RTKN: variants seen among roughly 807,000 people sequenced by gnomAD.
RTKN encodes the protein rhotekin.
RTKN carries 49 observed loss-of-function variants against 63.5 expected under a neutral mutation model. That is an observed-to-expected ratio of 0.77 (90% CI 0.61 to 0.98). The LOEUF (loss-of-function observed/expected upper bound fraction) is 0.98. RTKN is among the 50% of genes least tolerant of loss of function. The pLI, the probability that RTKN is intolerant of heterozygous loss-of-function variation, is 0.00. For synonymous variants in RTKN, 295 were observed against 290.4 expected (o/e 1.02, Z -0.16); for missense variants, 685 against 740.8 (o/e 0.92, Z 0.87).
At chr2:74,441,578 G>A (rs1671366952) in intron 1 of RTKN, 128 bp downstream of exon 1, 3 of 649,198 alleles carry the variant, frequency 4.6e-6, no homozygotes, top group Non-Finnish European at 8.1e-6. Context: ...CAACAACTCC[G>A]TCGGGTTTGT....
At chr2:74,429,720 C>T (rs1160601903) in intron 6 of RTKN, 108 bp downstream of exon 6, 4 of 1,059,662 alleles carry the variant, frequency 3.8e-6, no homozygotes, top group Non-Finnish European at 4.2e-6. Flanking sequence ...TCTGTCTGCA[C>T]ATCCTGGCAG....
rs778299857 is a variant in RTKN, at chr2:74,427,571, C to G, written c.1108G>C (p.Glu370Gln). 4 of 1,612,944 alleles carry G rather than the reference C, an allele frequency of 2.5e-6. No individual in the cohort carries two copies. The Admixed American group carries it at 6.7e-5, about 27-fold the overall frequency. The part of the protein sequence containing the change: ...VNKETRVRAG[E>Q]LDQALGRPFT... ...GGCCGTCCTAGAGCCTGGTCCAGCT[C>G]CCCTGCCCGGACTCGAGTCTCCTGC... Residue 370 changes from glutamate to glutamine, a missense_variant, in exon 10 of 12, where the codon GAG (glutamate) becomes CAG (glutamine). By Grantham distance (29) the Glu-to-Gln change is conservative (BLOSUM62 2). Coordinates refer to ENST00000272430, the MANE Select transcript of RTKN (RefSeq NM_001015055.2).
intron 1 of RTKN, among the ~76,000 whole-genome samples, chr2:74,434,924 G>A (rs1284666027): frequency 3.3e-5 from 5 of 152,184 alleles, no homozygotes; most frequent in Non-Finnish European, 7.3e-5. Context: ...TCATGGGAAT[G>A]GACAGAAGGA....
Position 74,439,689 on chromosome 2 carries a change from T to C in RTKN, c.111+2017A>G, listed in dbSNP as rs1165227659. The C allele has an allele frequency of 1.9e-6, 3 of 1,600,010 alleles. No homozygotes were observed. The African/African-American group carries it at 4.0e-5, about 21-fold the overall frequency. ...GAGGGGGGACAGATAGGTACCACAC[T>C]GTCCCACAGTTCCTCCTCCCACTGT... On this transcript the variant is annotated intron_variant, in intron 1 of 11. Transcript: ENST00000272430.
chr2:74,427,696 G>A (rs1337877713), intron 9 of RTKN, 104 bp from the exon 10 acceptor site: 15 of 1,278,846 alleles, frequency 1.2e-5, no homozygotes, highest in Non-Finnish European at 1.5e-5. Flanking sequence ...TGGGGCTTTT[G>A]CTGAGCCCTC....
Position 74,430,384 on chromosome 2 carries a change from CA to C in RTKN, c.428-16del. 1 of 1,613,898 alleles carries C rather than the reference CA, an allele frequency of 6.2e-7. No homozygotes were observed. The highest frequency in any genetic ancestry group is 8.5e-7 in the Non-Finnish European group (1 of 1,179,784). The stretch of plus-strand genomic sequence containing the variant: ...GCGGTGCAAGTCTGGGGACAAAGGG[CA>C]AAACAAAAAACACGTCCCACGAGAG... On this transcript the variant is annotated splice_polypyrimidine_tract_variant and intron_variant, in intron 4 of 11. Coordinates refer to ENST00000272430, the MANE Select transcript of RTKN (RefSeq NM_001015055.2).
rs774514549 is a variant in RTKN at position 74,426,195 on chromosome 2, T to C, written c.*48A>G. On this transcript the variant is annotated 3_prime_UTR_variant, in exon 12 of 12. Coordinates refer to ENST00000272430, the MANE Select transcript of RTKN (RefSeq NM_001015055.2). ...GCCGTATCCAGAGCCCAACTGCGCA[T>C]GGGTCATTTTCTCTTCTGGGCAGAT... 6.5e-7 allele frequency: 1 copy of C among 1,538,664 alleles called. No individual in the cohort carries two copies. The highest frequency in any genetic ancestry group is 1.4e-5 in the African/African-American group (1 of 73,138).
rs775461538 is a variant in RTKN, at chr2:74,429,970, C to A, written c.613G>T (p.Ala205Ser). Residue 205 changes from alanine (A) to serine (S), a missense_variant, in exon 6 of 12, where the codon GCC becomes TCC. Physicochemically the swap from Ala to Ser is moderately conservative, Grantham distance 99 (BLOSUM62 1). Coordinates refer to ENST00000272430, the MANE Select transcript of RTKN (RefSeq NM_001015055.2). Reference sequence around the variant, plus strand: ...AGCCTCTTGGGGCCGCCAGTCAGGGCCCCCTCTTCTTCCACACAGGCCCCA... The same window carrying A: ...AGCCTCTTGGGGCCGCCAGTCAGGGACCCCTCTTCTTCCACACAGGCCCCA... ...LYGACVEEEG[A>S]LTGGPKRLAT... 1 of 1,614,246 alleles carries A rather than the reference C, an allele frequency of 6.2e-7. No individual in the cohort carries two copies. The highest frequency in any genetic ancestry group is 1.1e-5 in the South Asian group (1 of 91,088).
Position 74,430,508 on chromosome 2 carries a change from A to C in RTKN, c.384T>G (p.Ile128Met). Residue 128 changes from isoleucine to methionine, a missense_variant, in exon 4 of 12, where the codon ATT becomes ATG. Transcript: ENST00000272430. ...ATTCTGTGTCCTTCCACATGAGTGG[A>C]ATCCGGAGGTCTAAGGGGCAGAGGG... is the stretch of plus-strand genomic sequence containing the variant. ...RGRVCISDLR[I>M]PLMWKDTEYF... 6.2e-7 allele frequency: 1 copy of C among 1,614,206 alleles called. No homozygotes were observed. The highest frequency in any genetic ancestry group is 8.5e-7 in the Non-Finnish European group (1 of 1,180,028).
intron 1 of RTKN, among the ~76,000 whole-genome samples, chr2:74,439,299 C>T (rs1256401158): frequency 1.3e-5 from 2 of 152,222 alleles, no homozygotes; most frequent in Non-Finnish European, 2.9e-5. Context: ...CCAGAACAGA[C>T]ATTTACACTC....
intron 1 of RTKN, among the ~76,000 whole-genome samples, chr2:74,438,200 G>A (rs567991771): frequency 6.6e-5 from 10 of 152,138 alleles, no homozygotes; most frequent in South Asian, 2.1e-4. Context: ...CCCCATCTCC[G>A]TAAACAGCCA....
intron 2 of RTKN, 186 bp downstream of exon 2, chr2:74,432,281 C>T (rs763889219): frequency 1.9e-5 from 14 of 720,328 alleles, no homozygotes; most frequent in African/African-American, 1.7e-4. Context: ...GCCCTGGCTA[C>T]TCACAAATGC....
intron 6 of RTKN, among the ~76,000 whole-genome samples, chr2:74,429,387 G>T (rs1670607886): frequency 6.6e-6 from 1 of 152,162 alleles, no homozygotes; most frequent in Non-Finnish European, 1.5e-5. Flanking sequence ...ATAGGTCCCA[G>T]GGTACTCTGC....
At chr2:74,432,235 T>C (rs1670789081) in intron 2 of RTKN, 1 of 688,328 alleles carries the variant, frequency 1.5e-6, no homozygotes, top group Admixed American at 2.0e-5. Context: ...TCAGATCAGC[T>C]ACCTTTCACC....
In RTKN at chr2:74,428,897, T is replaced by C. The variant is rs1201168667; in HGVS notation, c.801A>G (p.Ala267=). 3 of 1,614,182 alleles carry C rather than the reference T, an allele frequency of 1.9e-6. No individual in the cohort carries two copies. Among genetic ancestry groups the C allele is most frequent in the Non-Finnish European group, 2.5e-6 (3 of 1,180,036 alleles). ...GTGTGCGGAATCCATCTTGCACTGC[T>C]GCCAGGGTGAGTGTGGTGTGAGCCA... The part of the protein sequence containing the change: ...HLLAHTTLTL[A]AVQDGFRTHD... The change falls in exon 7 of 12, where the codon GCA becomes GCG. Residue 267 remains alanine (A), a synonymous_variant. Transcript: ENST00000272430.
In RTKN at chr2:74,428,889, T is replaced by G; in HGVS notation, c.809A>C (p.Gln270Pro). Residue 270 changes from glutamine to proline, a missense_variant, in exon 7 of 12, where the codon CAA becomes CCA. By Grantham distance (76) the Gln-to-Pro change is moderately conservative. Coordinates refer to ENST00000272430, the MANE Select transcript of RTKN (RefSeq NM_001015055.2). ...AHTTLTLAAV[Q>P]DGFRTHDLTL... is the part of the protein sequence containing the mutation. ...GAGGTCATGTGTGCGGAATCCATCTTGCACTGCTGCCAGGGTGAGTGTGGT... is the reference window on the plus strand; with the variant it reads ...GAGGTCATGTGTGCGGAATCCATCTGGCACTGCTGCCAGGGTGAGTGTGGT... The G allele has an allele frequency of 1.2e-6, 2 of 1,614,196 alleles. No individual in the cohort carries two copies. The highest frequency in any genetic ancestry group is 2.2e-5 in the South Asian group (2 of 91,086).
At chr2:74,426,636 A>G in intron 11 of RTKN, 62 bp from the exon 12 acceptor site, 1 of 1,497,476 alleles carries the variant, frequency 6.7e-7, no homozygotes, top group Admixed American at 2.4e-5. Context: ...CCCCAAGCCT[A>G]CCCAGCCCTA....
intron 2 of RTKN, 173 bp downstream of exon 2, chr2:74,432,294 C>T (rs1558544846): frequency 4.0e-6 from 3 of 746,838 alleles, no homozygotes; most frequent in Non-Finnish European, 4.8e-6. Flanking sequence ...ACAAATGCGC[C>T]TCTGGGCAAC....
chr2:74,427,658 T>A (rs1027426427), intron 9 of RTKN, 66 bp from the exon 10 acceptor site: 11 of 1,521,514 alleles, frequency 7.2e-6, no homozygotes, highest in Middle Eastern at 2.4e-4. Context: ...GCAGCCTTGA[T>A]CACGCCTGCC....
Sources: gnomAD v4.1 joint callset for allele counts (sites outside exome capture counted in the v4.1 genomes callset) on GRCh38, gnomAD v4.1.1 for gene constraint, MANE v1.5 for transcripts, NCBI Gene and HGNC (gene_info 2026-07-23, HGNC 2026-07-21) for gene names.